Variants in SDK1 observed in about 807,000 individuals in gnomAD.
SDK1 encodes the protein protein sidekick-1.
SDK1 carries 157 observed loss-of-function variants against 245.5 expected under a neutral mutation model. The observed-to-expected ratio is 0.64, with a 90% CI of 0.56 to 0.73. SDK1 has a LOEUF of 0.73. Among genes scored for constraint, SDK1 ranks in the 30% least tolerant of loss-of-function variants. The probability of loss-of-function intolerance (pLI) is 0.00; values close to 1 mark genes in which losing one functional copy is unlikely to be tolerated. For synonymous variants in SDK1, 1,647 were observed against 1,278.5 expected, an observed-to-expected ratio of 1.29 and a Z score of -6.15; for missense variants, 3,583 against 3,002.3, an observed-to-expected ratio of 1.19 and a Z score of -4.52.
chr7:3,456,119 A>G (rs1054785044), intron 1 of SDK1, among the ~76,000 whole-genome samples: 17 of 152,276 alleles, frequency 1.1e-4, no homozygotes, highest in African/African-American at 3.4e-4. Context: ...TTATTCCTCT[A>G]TAAGTACAGT....
intron 5 of SDK1, among the ~76,000 whole-genome samples, chr7:3,896,274 T>G (rs6959674): frequency 2.0e-5 from 3 of 152,168 alleles, no homozygotes; most frequent in African/African-American, 7.2e-5. Context: ...AGGCATGTCC[T>G]TAATACTTCT....
In SDK1 at chr7:3,473,288, A is replaced by C. The variant is rs114240740; in HGVS notation, c.299-145792A>C. Among the ~76,000 whole-genome samples, 800 of 152,330 alleles carry C rather than the reference A, an allele frequency of 5.3e-3. 8 individuals are homozygous for C. The highest frequency in any genetic ancestry group is 0.018 in the African/African-American group (749 of 41,568). Reference sequence around the variant, plus strand: ...CTCTTAGAAGGCTGGTTCCACCCCAAATCCTTTCCCAAACTGGGGAATCAA... The same window carrying C: ...CTCTTAGAAGGCTGGTTCCACCCCACATCCTTTCCCAAACTGGGGAATCAA... On this transcript the variant is annotated intron_variant, in intron 1 of 44. Coordinates refer to ENST00000404826, the MANE Select transcript of SDK1 (RefSeq NM_152744.4).
At position 3,920,311 on chromosome 7, in the gene SDK1, G is replaced by A. The variant is rs535852031; in HGVS notation, c.848-30612G>A. ...AGCATGTAGACCAATCTGAAGGAAA[G>A]ATTTGCAGTCTTGCAGGTGAGATGT... On this transcript the variant is annotated intron_variant, in intron 5 of 44. Coordinates refer to ENST00000404826, the MANE Select transcript of SDK1 (RefSeq NM_152744.4). Among the ~76,000 whole-genome samples, 11 of 152,316 alleles carry A rather than the reference G, an allele frequency of 7.2e-5. No homozygotes were observed. The South Asian group carries it at 2.1e-3, about 29-fold the overall frequency.
chr7:3,896,779 G>A (rs1781619459), intron 5 of SDK1, among the ~76,000 whole-genome samples: 1 of 152,138 alleles, frequency 6.6e-6, no homozygotes, highest in Non-Finnish European at 1.5e-5. Context: ...CTGTATCATG[G>A]CTGAAAGCAA....
chr7:3,346,422 A>G (rs1780498309), intron 1 of SDK1, among the ~76,000 whole-genome samples: 1 of 152,156 alleles, frequency 6.6e-6, no homozygotes, highest in Non-Finnish European at 1.5e-5. Context: ...CAACGTACGT[A>G]TGGTCCTGAT....
intron 5 of SDK1, among the ~76,000 whole-genome samples, chr7:3,895,695 CT>C (rs1462661917): frequency 1.3e-5 from 2 of 152,112 alleles, no homozygotes; most frequent in Non-Finnish European, 2.9e-5. Context: ...GAAGTCAGAC[CT>C]TTCTTCTTTT....
At chr7:3,544,214 C>T (rs1488730108) in intron 1 of SDK1, among the ~76,000 whole-genome samples, 1 of 152,216 alleles carries the variant, frequency 6.6e-6, no homozygotes, top group Non-Finnish European at 1.5e-5. Flanking sequence ...TTCTTCACCT[C>T]CCAAAGACCA....
chr7:3,477,373 T>C (rs1417597694), intron 1 of SDK1, among the ~76,000 whole-genome samples: 1 of 151,522 alleles, frequency 6.6e-6, no homozygotes. Flanking sequence ...TTTTTGTATT[T>C]TTAGTAGAGA....
At chr7:4,152,963 G>A (rs1780483466) in intron 30 of SDK1, among the ~76,000 whole-genome samples, 1 of 152,188 alleles carries the variant, frequency 6.6e-6, no homozygotes, top group Non-Finnish European at 1.5e-5. Context: ...GCCACCCACA[G>A]AAATGCAGTA....
chr7:3,439,254 C>G (rs190678085), intron 1 of SDK1, among the ~76,000 whole-genome samples: 2 of 152,240 alleles, frequency 1.3e-5, no homozygotes, highest in East Asian at 3.9e-4. Context: ...TAAATAAACT[C>G]TTTTATTTCC....
intron 4 of SDK1, among the ~76,000 whole-genome samples, chr7:3,809,913 C>T (rs1779343632): frequency 6.6e-6 from 1 of 152,200 alleles, no homozygotes; most frequent in Non-Finnish European, 1.5e-5. Context: ...CAACTCAGCT[C>T]ACGAAGTAAG....
chr7:3,339,167 T>C (rs1780279659), intron 1 of SDK1, among the ~76,000 whole-genome samples: 1 of 134,996 alleles, frequency 7.4e-6, no homozygotes, highest in South Asian at 2.3e-4. Context: ...CATTCAAAAA[T>C]AATTTCAGAA....
At chr7:3,845,302 C>T (rs1352240856) in intron 5 of SDK1, among the ~76,000 whole-genome samples, 1 of 151,966 alleles carries the variant, frequency 6.6e-6, no homozygotes, top group Non-Finnish European at 1.5e-5. Flanking sequence ...CTAGCCTGAC[C>T]AGCATGGGGA....
intron 4 of SDK1, among the ~76,000 whole-genome samples, chr7:3,769,051 A>AT (rs1438017253): frequency 5.3e-5 from 8 of 152,092 alleles, no homozygotes; most frequent in African/African-American, 9.7e-5. Context: ...CCTTTGTTGA[A>AT]TTTTTTACAG....
intron 1 of SDK1, among the ~76,000 whole-genome samples, chr7:3,558,229 T>G (rs1488876630): frequency 2.6e-5 from 4 of 152,206 alleles, no homozygotes; most frequent in African/African-American, 9.6e-5. Context: ...AATGGGAGAT[T>G]TCTGGAGTAG....
chr7:3,984,129 G>A (rs917358915), intron 13 of SDK1, among the ~76,000 whole-genome samples: 1 of 152,188 alleles, frequency 6.6e-6, no homozygotes, highest in African/African-American at 2.4e-5. Context: ...TCTGTTGCTT[G>A]TGGTCTGCTG....
intron 5 of SDK1, among the ~76,000 whole-genome samples, chr7:3,878,080 T>C (rs1781117360): frequency 6.6e-6 from 1 of 152,256 alleles, no homozygotes; most frequent in South Asian, 2.1e-4. Flanking sequence ...GCATATGTAA[T>C]GTCCCTGTCT....
Position 4,158,478 on chromosome 7 carries a change from C to T in SDK1, c.4656C>T (p.Arg1552=). The change falls in exon 31 of 45, where the codon CGC becomes CGT. Residue 1552 remains arginine (R), a synonymous_variant. Transcript: ENST00000404826. ...GGCCCTTCACCTCCTACAAGCTGCGCCTGAAAGCCACCAACGACATTGGGG... is the reference window on the plus strand; with the variant it reads ...GGCCCTTCACCTCCTACAAGCTGCGTCTGAAAGCCACCAACGACATTGGGG... The part of the protein sequence containing the change: ...RLRPFTSYKL[R]LKATNDIGDS... The T allele has an allele frequency of 1.9e-6, 3 of 1,613,772 alleles. No homozygotes were observed. The highest frequency in any genetic ancestry group is 2.5e-6 in the Non-Finnish European group (3 of 1,180,000).
At chr7:3,477,956 T>C (rs537855937) in intron 1 of SDK1, among the ~76,000 whole-genome samples, 4 of 152,336 alleles carry the variant, frequency 2.6e-5, no homozygotes, top group Admixed American at 2.6e-4. Context: ...GTGTTAGAGA[T>C]CTGCCTTTAC....
Sources: allele counts gnomAD v4.1 joint callset (sites outside exome capture counted in the v4.1 genomes callset), GRCh38; gene constraint gnomAD v4.1.1; transcripts MANE v1.5; gene names NCBI Gene and HGNC (gene_info 2026-07-23, HGNC 2026-07-21).